Variants in DEFB115 observed in about 807,000 individuals in gnomAD.
DEFB115 encodes beta-defensin 115.
DEFB115 carries 7 observed loss-of-function variants against 8.8 expected under a neutral mutation model. The ratio of observed to expected loss-of-function variants is 0.79; its 90% CI spans 0.45 to 1.49. DEFB115 has a LOEUF of 1.49. Ranked by LOEUF, DEFB115 falls within the 40% of genes most tolerant of loss-of-function variation. The probability of loss-of-function intolerance (pLI) is 0.01; values close to 1 mark genes in which losing one functional copy is unlikely to be tolerated. For synonymous variants in DEFB115, 62 were observed against 37.6 expected, an observed-to-expected ratio of 1.65 and a Z score of -2.37; for missense variants, 143 against 99.4, an observed-to-expected ratio of 1.44 and a Z score of -1.86.
chr20:31,257,755 C>T lies in DEFB115; in HGVS notation c.92C>T (p.Pro31Leu). ...VVLVVLAQTAPDGWIRRCYYG... is the reference protein window; with the variant it reads ...VVLVVLAQTALDGWIRRCYYG... Reference sequence around the variant, plus strand: ...CTTGTGGTCCTGGCTCAGACTGCCCCAGGTAAACAGAACCATGGAGAGAAG... The same window carrying T: ...CTTGTGGTCCTGGCTCAGACTGCCCTAGGTAAACAGAACCATGGAGAGAAG... Residue 31 changes from proline (P) to leucine (L), a missense_variant and splice_region_variant, in exon 1 of 2, where the codon CCA becomes CTA. Transcript: ENST00000400552. The T allele has an allele frequency of 6.2e-7, 1 of 1,611,862 alleles. No individual in the cohort carries two copies. The highest frequency in any genetic ancestry group is 8.5e-7 in the Non-Finnish European group (1 of 1,178,004).
chr20:31,259,129 G>A (rs1983833898), intron 1 of DEFB115, among the ~76,000 whole-genome samples: 1 of 152,012 alleles, frequency 6.6e-6, no homozygotes, highest in African/African-American at 2.4e-5. Context: ...AATGGAGAGA[G>A]GATAAAAAAG....
In DEFB115 at chr20:31,258,175, C is replaced by T. The variant is rs150614908; in HGVS notation, c.94+418C>T. Among the ~76,000 whole-genome samples, 149 of 152,262 alleles carry T rather than the reference C, an allele frequency of 9.8e-4. 1 individual carries two copies. In the East Asian group the frequency reaches 0.026, roughly 27 times the overall value. On this transcript the variant is annotated intron_variant, in intron 1 of 1. Transcript: ENST00000400552. ...CTCCACTGTTGTTGGGCTTTGAGTG[C>T]TCCTTTAAAGCAGGCAGAAGAGGCA...
Position 31,257,684 on chromosome 20 carries a change from A to T in DEFB115, c.21A>T (p.Ser7=). 6.2e-7 allele frequency: 1 copy of T among 1,613,400 alleles called. No individual in the cohort carries two copies. Among genetic ancestry groups the T allele is most frequent in the Non-Finnish European group, 8.5e-7 (1 of 1,179,734 alleles). ...TCAGAATGCTGCCAGATCATTTCTC[A>T]CCCCTCTCAGGAGACATTAAACTCT... The part of the protein sequence containing the change: MLPDHF[S]PLSGDIKLSV... The change falls in exon 1 of 2, where the codon TCA becomes TCT. Residue 7 remains serine, a synonymous_variant. Transcript: ENST00000400552.
intron 1 of DEFB115, among the ~76,000 whole-genome samples, chr20:31,258,917 G>C (rs1016174162): frequency 6.6e-6 from 1 of 151,984 alleles, no homozygotes; most frequent in East Asian, 1.9e-4. Flanking sequence ...AATCAGAGAA[G>C]GGCACAGTGT....
rs754890194 is a variant in DEFB115 at position 31,257,736 on chromosome 20, G to T, written c.73G>T (p.Val25Phe). Residue 25 changes from valine to phenylalanine, a missense_variant, in exon 1 of 2, where the codon GTC (valine) becomes TTC (phenylalanine). Coordinates refer to ENST00000400552, the MANE Select transcript of DEFB115 (RefSeq NM_001037730.1). ...TGTCCTGGCCTTAGTTGTCCTTGTGGTCCTGGCTCAGACTGCCCCAGGTAA... is the reference window on the plus strand; with the variant it reads ...TGTCCTGGCCTTAGTTGTCCTTGTGTTCCTGGCTCAGACTGCCCCAGGTAA... The part of the protein sequence containing the change: ...LSVLALVVLV[V>F]LAQTAPDGWI... The T allele has an allele frequency of 6.2e-7, 1 of 1,613,894 alleles. No homozygotes were observed. Among genetic ancestry groups the T allele is most frequent in the Non-Finnish European group, 8.5e-7 (1 of 1,179,864 alleles).
intron 1 of DEFB115, among the ~76,000 whole-genome samples, chr20:31,258,542 T>C (rs1983815109): frequency 6.6e-6 from 1 of 152,344 alleles, no homozygotes; most frequent in South Asian, 2.1e-4. Context: ...TCAGTTGTTC[T>C]AGAAGCAAAA....
chr20:31,258,935 T>C (rs1003764456), intron 1 of DEFB115, among the ~76,000 whole-genome samples: 8 of 151,826 alleles, frequency 5.3e-5, no homozygotes, highest in Non-Finnish European at 4.4e-5. Flanking sequence ...TGTTAAACCC[T>C]CCCTGCACCC....
intron 1 of DEFB115, among the ~76,000 whole-genome samples, chr20:31,258,267 T>A (rs1444004283): frequency 1.3e-5 from 2 of 152,198 alleles, no homozygotes; most frequent in African/African-American, 4.8e-5. Flanking sequence ...TACAGGTTTA[T>A]AAAAACAGGC....
intron 1 of DEFB115, 115 bp downstream of exon 1, chr20:31,257,872 A>T: frequency 1.1e-6 from 1 of 892,264 alleles, no homozygotes; most frequent in South Asian, 1.5e-5. Context: ...GATGGCTGAG[A>T]TCTGATGAAA....
Position 31,259,559 on chromosome 20 carries a change from G to T in DEFB115, c.194G>T (p.Cys65Phe). The change falls in exon 2 of 2, where the codon TGC becomes TTC. Residue 65 changes from cysteine (C) to phenylalanine (F), a missense_variant. By Grantham distance (205) the Cys-to-Phe change is radical. Transcript: ENST00000400552. Reference protein sequence around the residue: ...KKEKCGEKHICCVPKEKDKLS... With the variant: ...KKEKCGEKHIFCVPKEKDKLS... ...GAAAAATGTGGGGAAAAACATATTT[G>T]CTGTGTCCCTAAAGAAAAGGATAAA... 6.2e-7 allele frequency: 1 copy of T among 1,612,854 alleles called. No homozygotes were observed. The highest frequency in any genetic ancestry group is 8.5e-7 in the Non-Finnish European group (1 of 1,179,490).
chr20:31,259,541 G>A lies in DEFB115; in HGVS notation c.176G>A (p.Cys59Tyr). The part of the protein sequence containing the change: ...CKEIERKKEK[C>Y]GEKHICCVPK... Reference sequence around the variant, plus strand: ...GAAATTGAGAGGAAGAAAGAAAAATGTGGGGAAAAACATATTTGCTGTGTC... The same window carrying A: ...GAAATTGAGAGGAAGAAAGAAAAATATGGGGAAAAACATATTTGCTGTGTC... Residue 59 changes from cysteine (C) to tyrosine (Y), a missense_variant, in exon 2 of 2, where the codon TGT becomes TAT. Transcript: ENST00000400552. 2.5e-6 allele frequency: 4 copies of A among 1,613,120 alleles called. No individual in the cohort carries two copies. The highest frequency in any genetic ancestry group is 2.5e-6 in the Non-Finnish European group (3 of 1,179,550).
In DEFB115 at chr20:31,259,461, T is replaced by A. The variant is rs769728457; in HGVS notation, c.96T>A (p.Asp32Glu). The change falls in exon 2 of 2, where the codon GAT becomes GAA. Residue 32 changes from aspartate to glutamate, a missense_variant and splice_region_variant. By Grantham distance (45) the Asp-to-Glu change is conservative. Transcript: ENST00000400552. ...VLVVLAQTAP[D>E]GWIRRCYYGT... Reference sequence around the variant, plus strand: ...TCATGTGTTTGCTTATTTTGATAGATGGATGGATCAGAAGGTGCTATTATG... The same window carrying A: ...TCATGTGTTTGCTTATTTTGATAGAAGGATGGATCAGAAGGTGCTATTATG... 25 of 1,590,736 alleles carry A rather than the reference T, an allele frequency of 1.6e-5. No homozygotes were observed. The East Asian group carries it at 5.4e-4, about 34-fold the overall frequency.
Position 31,257,726 on chromosome 20 carries a change from T to C in DEFB115, c.63T>C (p.Val21=), listed in dbSNP as rs761931349. 3.1e-6 allele frequency: 5 copies of C among 1,613,876 alleles called. No homozygotes were observed. Among genetic ancestry groups the C allele is most frequent in the East Asian group, 4.5e-5 (2 of 44,886 alleles). Residue 21 remains valine (V), a synonymous_variant, in exon 1 of 2, where the codon GTT becomes GTC. Coordinates refer to ENST00000400552, the MANE Select transcript of DEFB115 (RefSeq NM_001037730.1). ...TTAAACTCTCTGTCCTGGCCTTAGT[T>C]GTCCTTGTGGTCCTGGCTCAGACTG... ...GDIKLSVLAL[V]VLVVLAQTAP... is the part of the protein sequence containing the mutation.
At chr20:31,259,370 A>G in intron 1 of DEFB115, 90 bp from the exon 2 acceptor site, 2 of 1,321,440 alleles carry the variant, frequency 1.5e-6, no homozygotes, top group Non-Finnish European at 2.0e-6. Flanking sequence ...GTTTCACTCT[A>G]ACCATTATTA....
At chr20:31,257,990 T>C (rs1282439739) in intron 1 of DEFB115, among the ~76,000 whole-genome samples, 1 of 152,204 alleles carries the variant, frequency 6.6e-6, no homozygotes, top group African/African-American at 2.4e-5. Context: ...CAAGGTGTTT[T>C]ATATGAAGTC....
At position 31,259,503 on chromosome 20, in the gene DEFB115, G is replaced by A. The variant is rs781078645; in HGVS notation, c.138G>A (p.Arg46=). The change falls in exon 2 of 2, where the codon AGG becomes AGA. Residue 46 remains arginine (R), a synonymous_variant. Transcript: ENST00000400552. ...RRCYYGTGRC[R]KSCKEIERKK... ...GCTATTATGGAACTGGCAGATGCAG[G>A]AAATCATGCAAAGAAATTGAGAGGA... 5.6e-6 allele frequency: 9 copies of A among 1,613,068 alleles called. No individual in the cohort carries two copies. The Admixed American group carries it at 6.7e-5, about 12-fold the overall frequency.
intron 1 of DEFB115, among the ~76,000 whole-genome samples, chr20:31,257,992 T>C (rs186607223): frequency 8.8e-4 from 134 of 152,304 alleles, no homozygotes; most frequent in Non-Finnish European, 2.4e-4. Context: ...AGGTGTTTTA[T>C]ATGAAGTCCC....
At position 31,257,667 on chromosome 20, in the gene DEFB115, C is replaced by T. The variant is rs199542892; in HGVS notation, c.4C>T (p.Leu2=). ...CAGCTTCCCCAGCACACTCAGAATGCTGCCAGATCATTTCTCACCCCTCTC... is the reference window on the plus strand; with the variant it reads ...CAGCTTCCCCAGCACACTCAGAATGTTGCCAGATCATTTCTCACCCCTCTC... M[L]PDHFSPLSGD... is the part of the protein sequence containing the mutation. The change falls in exon 1 of 2, where the codon CTG becomes TTG. Residue 2 remains leucine (L), a synonymous_variant. Transcript: ENST00000400552. 7.1e-4 allele frequency: 1,146 copies of T among 1,613,726 alleles called. 2 individuals are homozygous for T. The highest frequency in any genetic ancestry group is 8.0e-4 in the Non-Finnish European group (945 of 1,179,650).
intron 1 of DEFB115, 72 bp downstream of exon 1, chr20:31,257,829 T>A: frequency 7.3e-7 from 1 of 1,366,360 alleles, no homozygotes; most frequent in Non-Finnish European, 1.0e-6. Flanking sequence ...ACTGGAAAAT[T>A]GAACATGTGT....
Sources: gnomAD v4.1 joint callset for allele counts (sites outside exome capture counted in the v4.1 genomes callset) on GRCh38, gnomAD v4.1.1 for gene constraint, MANE v1.5 for transcripts, NCBI Gene and HGNC (gene_info 2026-07-23, HGNC 2026-07-21) for gene names.